GPHN: variants seen among roughly 807,000 people sequenced by gnomAD.
GPHN encodes gephyrin.
Under a neutral mutation model 95.5 loss-of-function variants are expected in GPHN, and 17 were observed. The observed-to-expected ratio is 0.18, with a 90% CI of 0.12 to 0.27. GPHN has a LOEUF of 0.27. Ranked by LOEUF, GPHN falls within the 10% of genes least tolerant of loss-of-function variation. The pLI, the probability that GPHN is intolerant of heterozygous loss-of-function variation, is 1.00. For missense variants in GPHN, 660 were observed against 978.1 expected (o/e 0.67, Z 4.34); for synonymous variants, 320 against 322.5 (o/e 0.99, Z 0.08).
chr14:67,368,514 A>G, the GPHN span, among the ~76,000 whole-genome samples: 1 of 152,188 alleles, frequency 6.6e-6, no homozygotes, highest in Non-Finnish European at 1.5e-5. Context: ...TATAGTTAAT[A>G]CAGTTGGCTC....
chr14:67,173,815 G>A (rs2082735674), intron 21 of GPHN, among the ~76,000 whole-genome samples: 1 of 151,758 alleles, frequency 6.6e-6, no homozygotes, highest in African/African-American at 2.4e-5. Flanking sequence ...AACAGAATCA[G>A]GAAAACAATT....
chr14:67,114,270 C>T (rs2078546307), intron 16 of GPHN, among the ~76,000 whole-genome samples: 1 of 152,128 alleles, frequency 6.6e-6, no homozygotes, highest in African/African-American at 2.4e-5. Context: ...AACCAAATAA[C>T]ACTATATATA....
chr14:67,697,360 T>C, the GPHN span, among the ~76,000 whole-genome samples: 2 of 152,042 alleles, frequency 1.3e-5, no homozygotes, highest in Non-Finnish European at 2.9e-5. Flanking sequence ...GCAAGCAACA[T>C]AGACAAGAGT....
the GPHN span, chr14:67,385,166 C>T: frequency 1.3e-5 from 2 of 152,184 alleles, no homozygotes; most frequent in East Asian, 3.9e-4. Flanking sequence ...AAAGAACAAA[C>T]AAAACTTAAA....
the GPHN span, among the ~76,000 whole-genome samples, chr14:67,703,349 A>C: frequency 2.0e-5 from 3 of 152,148 alleles, no homozygotes; most frequent in African/African-American, 7.2e-5. Context: ...CCTTTTATTC[A>C]GTTTCAAATG....
the GPHN span, among the ~76,000 whole-genome samples, chr14:67,486,836 G>A: frequency 3.3e-5 from 5 of 152,160 alleles, no homozygotes; most frequent in Non-Finnish European, 5.9e-5. Context: ...CGCATGTGAT[G>A]GCCCAATATT....
the GPHN span, chr14:67,562,359 CG>C: frequency 1.2e-6 from 2 of 1,613,682 alleles, no homozygotes; most frequent in Non-Finnish European, 1.7e-6. Flanking sequence ...AGTTCCAGCA[CG>C]GTCCATTCTG....
At chr14:66,866,839 C>T (rs2063239560) in intron 4 of GPHN, among the ~76,000 whole-genome samples, 1 of 152,110 alleles carries the variant, frequency 6.6e-6, no homozygotes, top group Non-Finnish European at 1.5e-5. Context: ...TTAGCTGGCA[C>T]AGCAATTCAT....
At chr14:67,350,405 A>C in the GPHN span, among the ~76,000 whole-genome samples, 1 of 152,236 alleles carries the variant, frequency 6.6e-6, no homozygotes, top group African/African-American at 2.4e-5. Context: ...TAAAATACTA[A>C]GTATCCTGCG....
At chr14:67,083,764 A>T (rs957613343) in intron 11 of GPHN, among the ~76,000 whole-genome samples, 6 of 152,178 alleles carry the variant, frequency 3.9e-5, no homozygotes, top group African/African-American at 1.4e-4. Flanking sequence ...AGCCTTGACC[A>T]TATGCATGGA....
intron 11 of GPHN, among the ~76,000 whole-genome samples, chr14:67,083,483 A>G (rs1309651326): frequency 1.3e-5 from 2 of 152,298 alleles, no homozygotes; most frequent in Middle Eastern, 3.4e-3. Flanking sequence ...AAAAGCCACT[A>G]TGCTTCTTGT....
At chr14:67,142,770 A>T (rs1203284981) in intron 17 of GPHN, among the ~76,000 whole-genome samples, 1 of 152,164 alleles carries the variant, frequency 6.6e-6, no homozygotes, top group Non-Finnish European at 1.5e-5. Flanking sequence ...TTCCCACTCA[A>T]GTCCTTCACT....
the GPHN span, among the ~76,000 whole-genome samples, chr14:67,688,581 T>C: frequency 6.6e-6 from 1 of 150,588 alleles, no homozygotes; most frequent in Non-Finnish European, 1.5e-5. Flanking sequence ...TCTACATACT[T>C]CCATATGCTT....
Position 67,023,663 on chromosome 14 carries a change from A to G in GPHN, c.994A>G (p.Ile332Val), listed in dbSNP as rs1446248720. 14 of 1,613,236 alleles carry G rather than the reference A, an allele frequency of 8.7e-6. No homozygotes were observed. Among genetic ancestry groups the G allele is most frequent in the Non-Finnish European group, 1.2e-5 (14 of 1,179,252 alleles). ...GTCCAGGTGCAGCAGCAAGGAGAAC[A>G]TTCTCAGAGCCAGTAAGTATTTTAC... ...VQSRCSSKEN[I>V]LRASHSAVDI... is the part of the protein sequence containing the mutation. The change falls in exon 10 of 23, where the codon ATT (isoleucine) becomes GTT (valine). Residue 332 changes from isoleucine (I) to valine (V), a missense_variant. Transcript: ENST00000478722.
At chr14:66,531,559 T>G (rs891877602) in intron 1 of GPHN, among the ~76,000 whole-genome samples, 1 of 152,224 alleles carries the variant, frequency 6.6e-6, no homozygotes, top group African/African-American at 2.4e-5. Flanking sequence ...TAATGCAGTC[T>G]TCCCAAATAG....
intron 4 of GPHN, among the ~76,000 whole-genome samples, chr14:66,851,688 A>G (rs547976176): frequency 5.4e-4 from 82 of 152,276 alleles, no homozygotes; most frequent in Non-Finnish European, 7.6e-4. Context: ...GTAAGGTCAG[A>G]TGATGGAGGA....
chr14:66,739,215 C>T, intron 2 of GPHN, among the ~76,000 whole-genome samples: 1 of 140,852 alleles, frequency 7.1e-6, no homozygotes, highest in African/African-American at 2.8e-5. Flanking sequence ...TTTTTTCTTA[C>T]AGCTTTTTTT....
chr14:67,069,425 T>G (rs1246755805), intron 11 of GPHN, among the ~76,000 whole-genome samples: 4 of 152,082 alleles, frequency 2.6e-5, no homozygotes, highest in Non-Finnish European at 4.4e-5. Flanking sequence ...CAATCTCAGC[T>G]TAAGATAACT....
intron 1 of GPHN, among the ~76,000 whole-genome samples, chr14:66,609,075 G>T (rs2062669919): frequency 6.6e-6 from 1 of 152,108 alleles, no homozygotes; most frequent in Admixed American, 6.5e-5. Flanking sequence ...GCTTTATAGT[G>T]TCTATGGGCT....
Sources: allele counts gnomAD v4.1 joint callset (sites outside exome capture counted in the v4.1 genomes callset), GRCh38; gene constraint gnomAD v4.1.1; transcripts MANE v1.5; gene names NCBI Gene and HGNC (gene_info 2026-07-23, HGNC 2026-07-21).